Variants in SYCP3 observed in about 807,000 individuals in gnomAD.
SYCP3 encodes synaptonemal complex protein 3.
A neutral mutation model predicts 38.5 loss-of-function variants in SYCP3; 29 were observed. The observed-to-expected ratio is 0.75, with a 90% CI of 0.56 to 1.03. The LOEUF (loss-of-function observed/expected upper bound fraction) is 1.03. Ranked by LOEUF, SYCP3 falls within the 50% of genes least tolerant of loss-of-function variation. The pLI is 0.00. For missense variants in SYCP3, 242 were observed against 270.7 expected (o/e 0.89, Z 0.74); for synonymous variants, 79 against 80.3 (o/e 0.98, Z 0.08).
Position 101,730,660 on chromosome 12 carries a change from T to C in SYCP3, c.552+908A>G, listed in dbSNP as rs76273369. On this transcript the variant is annotated intron_variant, in intron 7 of 8. Transcript: ENST00000392924. ...AGGTGAGTGCCACCATGCCCAGCTA[T>C]TTTTGTTTGTTTGTTTGTTCTTAAT... 79 of 295,124 alleles carry C rather than the reference T, an allele frequency of 2.7e-4. No individual in the cohort carries two copies. The East Asian group carries it at 6.7e-3, about 25-fold the overall frequency. The allele number at this position is 295,124 out of a possible 1,614,324, so 18.3% of individuals were successfully genotyped here. A position where few individuals can be genotyped will look rare whatever the true frequency, so the allele number is the denominator to read the frequency against.
intron 7 of SYCP3, among the ~76,000 whole-genome samples, chr12:101,731,013 T>C (rs1952168319): frequency 1.3e-5 from 2 of 152,198 alleles, no homozygotes; most frequent in South Asian, 4.1e-4. Flanking sequence ...TTTGCTAATA[T>C]GTATGTGTCA....
Position 101,737,024 on chromosome 12 carries a change from T to C in SYCP3, c.235+13A>G, listed in dbSNP as rs1286522475. ...ACAATTTTCTTTAAATACAAGTATC[T>C]CCTAAAACCTACCTCCAACTCCTTC... is the stretch of plus-strand genomic sequence containing the variant. On this transcript the variant is annotated intron_variant, in intron 4 of 8. Transcript: ENST00000392924. 1.2e-6 allele frequency: 2 copies of C among 1,613,292 alleles called. No homozygotes were observed. Among genetic ancestry groups the C allele is most frequent in the Non-Finnish European group, 1.7e-6 (2 of 1,179,524 alleles).
At chr12:101,735,883 T>A (rs1238931016) in intron 4 of SYCP3, among the ~76,000 whole-genome samples, 1,532 of 75,888 alleles carry the variant, frequency 0.02, 111 homozygotes, top group African/African-American at 0.079. Context: ...TTTTTTTTTT[T>A]TAAAGACACG....
At chr12:101,735,391 G>A (rs781544770) in intron 4 of SYCP3, among the ~76,000 whole-genome samples, 7 of 152,068 alleles carry the variant, frequency 4.6e-5, no homozygotes, top group African/African-American at 1.2e-4. Flanking sequence ...GGCCAGACGC[G>A]GTGGCTCACA....
At chr12:101,735,674 A>T (rs1475297304) in intron 4 of SYCP3, among the ~76,000 whole-genome samples, 4 of 151,636 alleles carry the variant, frequency 2.6e-5, no homozygotes, top group South Asian at 2.1e-4. Context: ...ATAAAAAAAA[A>T]TTTTTAAAAA....
chr12:101,738,044 A>G (rs1267551194), intron 1 of SYCP3, 92 bp from the exon 2 acceptor site: 1 of 1,443,748 alleles, frequency 6.9e-7, no homozygotes, highest in Non-Finnish European at 9.6e-7. Flanking sequence ...GATATCGAAC[A>G]AGGATTGTTG....
intron 5 of SYCP3, 44 bp from the exon 6 acceptor site, chr12:101,733,718 AT>A: frequency 6.4e-7 from 1 of 1,558,982 alleles, no homozygotes; most frequent in Non-Finnish European, 8.8e-7. Context: ...TCATACCAAT[AT>A]AAAAAGAATT....
At chr12:101,735,871 A>ATATTTT in intron 4 of SYCP3, among the ~76,000 whole-genome samples, 1 of 74,758 alleles carries the variant, frequency 1.3e-5, no homozygotes, top group South Asian at 4.3e-4. Context: ...ATATATATAT[A>ATATTTT]TTTTTTTTTT....
At position 101,728,760 on chromosome 12, in the gene SYCP3, C is replaced by G. The variant is rs568461575; in HGVS notation, c.*167G>C. The G allele has an allele frequency of 8.8e-6, 8 of 912,350 alleles. No homozygotes were observed. In the East Asian group the frequency reaches 2.1e-4, roughly 24 times the overall value. 56.5% of individuals were successfully genotyped at this position (912,350 alleles called of 1,614,324 possible). A position where few individuals can be genotyped will look rare whatever the true frequency, so the allele number is the denominator to read the frequency against. ...CTTTAGGAATAGTTGCTAACTAACT[C>G]ATAACTATTTAGATTTGACTTAACA... is the stretch of plus-strand genomic sequence containing the variant. On this transcript the variant is annotated 3_prime_UTR_variant, in exon 9 of 9. Coordinates refer to ENST00000392924, the MANE Select transcript of SYCP3 (RefSeq NM_001177949.2).
At chr12:101,734,811 G>A in intron 5 of SYCP3, 116 bp downstream of exon 5, 1 of 739,996 alleles carries the variant, frequency 1.4e-6, no homozygotes, top group South Asian at 1.4e-5. Context: ...GCCTCCCAAA[G>A]TGCTGGGATT....
intron 4 of SYCP3, among the ~76,000 whole-genome samples, chr12:101,736,722 G>A (rs1227178739): frequency 2.6e-5 from 4 of 151,820 alleles, no homozygotes; most frequent in Admixed American, 6.6e-5. Context: ...GTGTGTGTGT[G>A]TGTGTGTGTG....
In SYCP3 at chr12:101,737,822, T is replaced by C. The variant is rs1277961341; in HGVS notation, c.114A>G (p.Ser38=). The C allele has an allele frequency of 1.2e-6, 2 of 1,614,122 alleles. No individual in the cohort carries two copies. The highest frequency in any genetic ancestry group is 2.7e-5 in the African/African-American group (2 of 74,950). The change falls in exon 2 of 9, where the codon TCA becomes TCG. Residue 38 remains serine, a synonymous_variant. Transcript: ENST00000392924. ...CTGCACCTTCAATAACATCTTCCTC[T>C]GATCCACTCAGATCTTTCTTATCTT... is the stretch of plus-strand genomic sequence containing the variant. ...ETEDKKDLSG[S]EEDVIEGKTA...
intron 1 of SYCP3, among the ~76,000 whole-genome samples, chr12:101,738,753 G>A (rs888195409): frequency 5.3e-5 from 8 of 152,182 alleles, no homozygotes; most frequent in African/African-American, 1.2e-4. Flanking sequence ...CAATCGATGA[G>A]AGAGAATGAC....
rs536338143 is a variant in SYCP3, at chr12:101,728,837, A to AC, written c.*89_*90insG. 231 of 1,572,236 alleles carry AC rather than the reference A, an allele frequency of 1.5e-4. No homozygotes were observed. The highest frequency in any genetic ancestry group is 2.0e-4 in the Non-Finnish European group (225 of 1,148,160). On this transcript the variant is annotated 3_prime_UTR_variant, in exon 9 of 9. Coordinates refer to ENST00000392924, the MANE Select transcript of SYCP3 (RefSeq NM_001177949.2). ...GTTTATGATTAAAGATGTTACAATTAAACTATTCTAAAGACTTACAATATG... is the reference window on the plus strand; with the variant it reads ...GTTTATGATTAAAGATGTTACAATTACAACTATTCTAAAGACTTACAATATG...
At position 101,728,948 on chromosome 12, in the gene SYCP3, A is replaced by T. The variant is rs1952056376; in HGVS notation, c.690T>A (p.Ser230=). The T allele has an allele frequency of 6.2e-7, 1 of 1,613,462 alleles. No homozygotes were observed. Among genetic ancestry groups the T allele is most frequent in the African/African-American group, 1.3e-5 (1 of 74,912 alleles). The part of the protein sequence containing the change: ...QQQEIASVRK[S]LQSMLF ...GTCATCAGAATAACATGGATTGAAG[A>T]GACTTCCGAACACTTGCTATCTCTT... Residue 230 remains serine, a synonymous_variant, in exon 9 of 9, where the codon TCT becomes TCA. Transcript: ENST00000392924.
intron 4 of SYCP3, among the ~76,000 whole-genome samples, chr12:101,735,871 A>ATATATATATTTTTTTTT: frequency 1.3e-5 from 1 of 74,790 alleles, no homozygotes; most frequent in African/African-American, 6.3e-5. Context: ...ATATATATAT[A>ATATATATATTTTTTTTT]TTTTTTTTTT....
rs17031944 is a variant in SYCP3 at position 101,739,455 on chromosome 12, A to G, written c.-122T>C. The G allele has an allele frequency of 1.0e-6, 1 of 1,002,420 alleles. No individual in the cohort carries two copies. The highest frequency in any genetic ancestry group is 1.2e-6 in the Non-Finnish European group (1 of 830,300). 62.1% of individuals were successfully genotyped at this position (1,002,420 alleles called of 1,614,324 possible). A position where few individuals can be genotyped will look rare whatever the true frequency, so the allele number is the denominator to read the frequency against. ...CACCTGAGGTGGCCCCTTCTCCGCG[A>G]CGCTTCTGAGGCAAGCTGGGATTCG... On this transcript the variant is annotated 5_prime_UTR_variant, in exon 1 of 9. Transcript: ENST00000392924.
In SYCP3 at chr12:101,729,143, A is replaced by G. The variant is rs759990174; in HGVS notation, c.623T>C (p.Met208Thr). The change falls in exon 8 of 9, where the codon ATG becomes ACG. Residue 208 changes from methionine to threonine, a missense_variant. By Grantham distance (81) the Met-to-Thr change is moderately conservative. Coordinates refer to ENST00000392924, the MANE Select transcript of SYCP3 (RefSeq NM_001177949.2). ...CATAATTTTTTTTTGCAACATAGCC[A>G]TTTCTTTTTTAAATTCATTTTGTGC... is the stretch of plus-strand genomic sequence containing the variant. ...TGAQNEFKKE[M>T]AMLQKKIMME... 3.8e-5 allele frequency: 62 copies of G among 1,612,562 alleles called. No homozygotes were observed. The highest frequency in any genetic ancestry group is 5.2e-5 in the Non-Finnish European group (61 of 1,179,202).
chr12:101,735,884 T>TTTTTTTTTTTTTTTA, intron 4 of SYCP3, among the ~76,000 whole-genome samples: 1 of 137,174 alleles, frequency 7.3e-6, no homozygotes, highest in Non-Finnish European at 1.5e-5. Context: ...TTTTTTTTTT[T>TTTTTTTTTTTTTTTA]AAAGACACGG....
Sources: allele counts gnomAD v4.1 joint callset (sites outside exome capture counted in the v4.1 genomes callset), GRCh38; gene constraint gnomAD v4.1.1; transcripts MANE v1.5; gene names NCBI Gene and HGNC (gene_info 2026-07-23, HGNC 2026-07-21).